The following TLX1 variants were observed in gnomAD, a reference collection of about 807,000 sequenced individuals.
TLX1 encodes T-cell leukemia homeobox protein 1.
In TLX1, 6 loss-of-function variants were observed where a neutral mutation model predicts 26.5. The observed-to-expected ratio is 0.23, with a 90% CI of 0.12 to 0.45. The LOEUF is 0.45. TLX1 is among the 20% of genes least tolerant of loss of function. The pLI, the probability that TLX1 is intolerant of heterozygous loss-of-function variation, is 0.99. For missense variants in TLX1, 418 were observed against 482.6 expected, an observed-to-expected ratio of 0.87 and a Z score of 1.25; for synonymous variants, 217 against 219.7, an observed-to-expected ratio of 0.99 and a Z score of 0.11.
At chr10:101,136,427 A>G (rs759003454) in intron 2 of TLX1, among the ~76,000 whole-genome samples, 106 of 152,272 alleles carry the variant, frequency 7.0e-4, no homozygotes, top group Non-Finnish European at 1.5e-3. Context: ...CGTGGATGCG[A>G]GTCCCAGCTG....
Position 101,132,958 on chromosome 10 carries a change from C to G in TLX1, c.568+849C>G, listed in dbSNP as rs1940212593. The G allele has an allele frequency of 6.5e-6, 1 of 152,888 alleles. No homozygotes were observed. The highest frequency in any genetic ancestry group is 6.5e-5 in the Admixed American group (1 of 15,292). The allele number at this position is 152,888 out of a possible 1,614,324, so 9.5% of individuals were successfully genotyped here. A position where few individuals can be genotyped will look rare whatever the true frequency, so the allele number is the denominator to read the frequency against. On this transcript the variant is annotated intron_variant, in intron 1 of 2. Coordinates refer to ENST00000370196, the MANE Select transcript of TLX1 (RefSeq NM_005521.4). The surrounding 1 kb of genome is among the most constrained non-coding windows in gnomAD (Gnocchi z 4.1). ...CCGTTTCCACTCTGGGCACTCAACT[C>G]TCCCTCTGGCGTGGATCCCTTCCCC...
In TLX1 at chr10:101,131,437, C is replaced by G; in HGVS notation, c.-105C>G. 14 of 934,456 alleles carry G rather than the reference C, an allele frequency of 1.5e-5. No homozygotes were observed. The highest frequency in any genetic ancestry group is 2.0e-5 in the Non-Finnish European group (14 of 691,270). The allele number at this position is 934,456 out of a possible 1,614,324, so 57.9% of individuals were successfully genotyped here. On this transcript the variant is annotated 5_prime_UTR_variant, in exon 1 of 3. Coordinates refer to ENST00000370196, the MANE Select transcript of TLX1 (RefSeq NM_005521.4). ...TCTGCGCACTTCGCTTCCAAGTCTC[C>G]GCGCAGCCAGGAGCCGCTGTTGCCT...
chr10:101,134,926 T>A (rs1940258049), intron 2 of TLX1, among the ~76,000 whole-genome samples: 1 of 152,134 alleles, frequency 6.6e-6, no homozygotes, highest in Admixed American at 6.5e-5. Flanking sequence ...AGAAAATCAA[T>A]CCGCGCCGGC....
rs1455538146 is a variant in TLX1 at position 101,132,135 on chromosome 10, C to T, written c.568+26C>T. On this transcript the variant is annotated intron_variant, in intron 1 of 2. Transcript: ENST00000370196. This position sits in a 1 kb window ranked among gnomAD's most constrained non-coding sequence, Gnocchi z 4.1. ...GTGAGTCCGGCCCGCGCGCTCCCCG[C>T]CTGGCCGCGGCCCGGGCTCCGTGCT... 1.5e-6 allele frequency: 2 copies of T among 1,331,462 alleles called. No homozygotes were observed. Among genetic ancestry groups the T allele is most frequent in the Non-Finnish European group, 1.9e-6 (2 of 1,042,740 alleles). 82.5% of individuals were successfully genotyped at this position (1,331,462 alleles called of 1,614,324 possible).
rs1940182725 is a variant in TLX1, at chr10:101,131,889, C to T, written c.348C>T (p.Gly116=). The change falls in exon 1 of 3, where the codon GGC becomes GGT. Residue 116 remains glycine, a synonymous_variant. Coordinates refer to ENST00000370196, the MANE Select transcript of TLX1 (RefSeq NM_005521.4). ...CAGGCGGCCCCGGTCCTGGCGGCGG[C>T]GGCGGCAGCAGCGGCGGTGCCGGGG... The part of the protein sequence containing the change: ...ALAGGPGPGG[G]GGSSGGAGAL... 3.6e-6 allele frequency: 5 copies of T among 1,397,642 alleles called. No homozygotes were observed. In the East Asian group the frequency reaches 9.1e-5, roughly 26 times the overall value. 86.6% of individuals were successfully genotyped at this position (1,397,642 alleles called of 1,614,324 possible). A position where few individuals can be genotyped will look rare whatever the true frequency, so the allele number is the denominator to read the frequency against.
intron 2 of TLX1, 135 bp downstream of exon 2, chr10:101,134,511 T>G: frequency 9.7e-7 from 1 of 1,033,382 alleles, no homozygotes. Flanking sequence ...GAGCTCCCGC[T>G]AGGCTTGCGG....
chr10:101,136,521 G>T, intron 2 of TLX1, 170 bp from the exon 3 acceptor site: 3 of 1,057,404 alleles, frequency 2.8e-6, no homozygotes, highest in South Asian at 2.7e-5. Context: ...CTTTGTTGGA[G>T]TCAGGACTCT....
At position 101,136,852 on chromosome 10, in the gene TLX1, C is replaced by A; in HGVS notation, c.932C>A (p.Pro311Gln). ...CTCTTCGCCCTGCAGAATCTGCAGC[C>A]GTGGTCTGACGACTCGACCAAAATC... is the stretch of plus-strand genomic sequence containing the variant. ...SSLFALQNLQPWSDDSTKITS... is the reference protein window; with the variant it reads ...SSLFALQNLQQWSDDSTKITS... Residue 311 changes from proline to glutamine, a missense_variant, in exon 3 of 3, where the codon CCG becomes CAG. Around this residue, in one of 3 missense-constraint regions of TLX1, gnomAD observed 78 missense variants for 92.2 expected, o/e 0.85. Coordinates refer to ENST00000370196, the MANE Select transcript of TLX1 (RefSeq NM_005521.4). 1 of 1,613,776 alleles carries A rather than the reference C, an allele frequency of 6.2e-7. No homozygotes were observed. The highest frequency in any genetic ancestry group is 8.5e-7 in the Non-Finnish European group (1 of 1,180,042).
At chr10:101,134,462 A>T (rs956832565) in intron 2 of TLX1, 86 bp downstream of exon 2, 1 of 1,365,288 alleles carries the variant, frequency 7.3e-7, no homozygotes, top group South Asian at 1.5e-5. Flanking sequence ...GGGCGCACAT[A>T]CTTTTTCCGC....
Position 101,136,852 on chromosome 10 carries a change from C to T in TLX1, c.932C>T (p.Pro311Leu), listed in dbSNP as rs1940306097. 12 of 1,613,660 alleles carry T rather than the reference C, an allele frequency of 7.4e-6. No homozygotes were observed. Among genetic ancestry groups the T allele is most frequent in the Admixed American group, 1.7e-5 (1 of 60,010 alleles). The change falls in exon 3 of 3, where the codon CCG (proline) becomes CTG (leucine). Residue 311 changes from proline (P) to leucine (L), a missense_variant. By Grantham distance (98) the Pro-to-Leu change is moderately conservative. Transcript: ENST00000370196. ...CTCTTCGCCCTGCAGAATCTGCAGC[C>T]GTGGTCTGACGACTCGACCAAAATC... Reference protein sequence around the residue: ...SSLFALQNLQPWSDDSTKITS... With the variant: ...SSLFALQNLQLWSDDSTKITS...
chr10:101,135,580 C>G (rs1940278666), intron 2 of TLX1: 1 of 152,610 alleles, frequency 6.6e-6, no homozygotes, highest in African/African-American at 2.4e-5. Context: ...GGCAGGCCTC[C>G]CAGAGAGAGG....
rs377699039 is a variant in TLX1 at position 101,136,835 on chromosome 10, C to T, written c.915C>T (p.Ala305=). The change falls in exon 3 of 3, where the codon GCC becomes GCT. Residue 305 remains alanine (A), a synonymous_variant. Coordinates refer to ENST00000370196, the MANE Select transcript of TLX1 (RefSeq NM_005521.4). ...PLCVHNSSLF[A]LQNLQPWSDD... The stretch of plus-strand genomic sequence containing the variant: ...GCGTGCACAACTCGTCGCTCTTCGC[C>T]CTGCAGAATCTGCAGCCGTGGTCTG... 15 of 1,613,640 alleles carry T rather than the reference C, an allele frequency of 9.3e-6. No individual in the cohort carries two copies. Among genetic ancestry groups the T allele is most frequent in the Non-Finnish European group, 1.3e-5 (15 of 1,180,048 alleles).
At position 101,134,125 on chromosome 10, in the gene TLX1, G is replaced by A. The variant is rs1005134933; in HGVS notation, c.569-50G>A. ...TGCTGCTTGCCTCTGCCGTCTGTCT[G>A]TCTCCCGCTCCAGTGGCCCTCTCAC... On this transcript the variant is annotated intron_variant, in intron 1 of 2. Transcript: ENST00000370196. 3 of 1,520,276 alleles carry A rather than the reference G, an allele frequency of 2.0e-6. No individual in the cohort carries two copies. In the African/African-American group the frequency reaches 4.2e-5, roughly 21 times the overall value. The allele number at this position is 1,520,276 out of a possible 1,614,324, so 94.2% of individuals were successfully genotyped here.
Position 101,131,621 on chromosome 10 carries a change from G to C in TLX1, c.80G>C (p.Ser27Thr), listed in dbSNP as rs369093136. ...TTCGGCATCGACCAGATCCTCAACA[G>C]CCCGGACCAGGGTGGCTGCATGGGA... ...ISFGIDQILN[S>T]PDQGGCMGPA... The change falls in exon 1 of 3, where the codon AGC (serine) becomes ACC (threonine). Residue 27 changes from serine to threonine, a missense_variant. By Grantham distance (58) the Ser-to-Thr change is moderately conservative (BLOSUM62 1). Around this residue, in one of 3 missense-constraint regions of TLX1, gnomAD observed 322 missense variants for 344.6 expected, o/e 0.93. Transcript: ENST00000370196. 143 of 1,569,112 alleles carry C rather than the reference G, an allele frequency of 9.1e-5. No individual in the cohort carries two copies. Among genetic ancestry groups the C allele is most frequent in the Non-Finnish European group, 1.2e-4 (140 of 1,160,992 alleles).
chr10:101,131,405 T>C lies in TLX1; in HGVS notation c.-137T>C, dbSNP rs1940166329. 1.8e-6 allele frequency: 1 copy of C among 563,432 alleles called. No homozygotes were observed. Among genetic ancestry groups the C allele is most frequent in the African/African-American group, 2.0e-5 (1 of 50,774 alleles). 34.9% of individuals were successfully genotyped at this position (563,432 alleles called of 1,614,324 possible). ...TCTCCCTCCCCTCCCCCTTCTACTTTAGCCTTTCTGCGCACTTCGCTTCCA... is the reference window on the plus strand; with the variant it reads ...TCTCCCTCCCCTCCCCCTTCTACTTCAGCCTTTCTGCGCACTTCGCTTCCA... On this transcript the variant is annotated 5_prime_UTR_variant, in exon 1 of 3. Coordinates refer to ENST00000370196, the MANE Select transcript of TLX1 (RefSeq NM_005521.4).
Position 101,132,296 on chromosome 10 carries a change from A to T in TLX1, c.568+187A>T, listed in dbSNP as rs1355197246. Among the ~76,000 whole-genome samples the T allele has an allele frequency of 6.6e-6, 1 of 152,190 alleles. No individual in the cohort carries two copies. Among genetic ancestry groups the T allele is most frequent in the Non-Finnish European group, 1.5e-5 (1 of 68,020 alleles). ...CTCGCCATGCTTGAAGAGTTCTCTC[A>T]GCCTGGACCCCTCTCTGTCTCCCGA... On this transcript the variant is annotated intron_variant, in intron 1 of 2. Transcript: ENST00000370196. The surrounding 1 kb of genome is among the most constrained non-coding windows in gnomAD (Gnocchi z 4.1).
Position 101,136,986 on chromosome 10 carries a change from C to A in TLX1, c.*73C>A, listed in dbSNP as rs1055178959. 3 of 1,562,936 alleles carry A rather than the reference C, an allele frequency of 1.9e-6. No individual in the cohort carries two copies. ...TGAGGCCTGAGACCCAGGACTCCTC[C>A]CCACCCTCCTGGCCTCAGACTGCAC... On this transcript the variant is annotated 3_prime_UTR_variant, in exon 3 of 3. Transcript: ENST00000370196.
At position 101,132,102 on chromosome 10, in the gene TLX1, G is replaced by T; in HGVS notation, c.561G>T (p.Arg187Ser). 7.2e-7 allele frequency: 1 copy of T among 1,390,026 alleles called. No individual in the cohort carries two copies. Among genetic ancestry groups the T allele is most frequent in the South Asian group, 1.8e-5 (1 of 54,262 alleles). 86.1% of individuals were successfully genotyped at this position (1,390,026 alleles called of 1,614,324 possible). A position where few individuals can be genotyped will look rare whatever the true frequency, so the allele number is the denominator to read the frequency against. ...GTAACCGCAGATACACAAAGGACAGGTTCACAGGTGAGTCCGGCCCGCGCG... is the reference window on the plus strand; with the variant it reads ...GTAACCGCAGATACACAAAGGACAGTTTCACAGGTGAGTCCGGCCCGCGCG... ...MESNRRYTKD[R>S]FTGHPYQNRT... is the part of the protein sequence containing the mutation. The change falls in exon 1 of 3, where the codon AGG becomes AGT. Residue 187 changes from arginine to serine, a missense_variant. Transcript: ENST00000370196. This position sits in a 1 kb window ranked among gnomAD's most constrained non-coding sequence, Gnocchi z 4.1.
At chr10:101,135,198 C>T (rs565515892) in intron 2 of TLX1, among the ~76,000 whole-genome samples, 1 of 152,290 alleles carries the variant, frequency 6.6e-6, no homozygotes, top group African/African-American at 2.4e-5. Flanking sequence ...CACGCTGCAC[C>T]CTCCCGCACA....
Sources: gnomAD v4.1 joint callset for allele counts (sites outside exome capture counted in the v4.1 genomes callset) on GRCh38, gnomAD v4.1.1 for gene constraint, gnomAD v4.1.1 regional missense constraint, Gnocchi (gnomAD v3.1) non-coding constraint, MANE v1.5 for transcripts, NCBI Gene and HGNC (gene_info 2026-07-23, HGNC 2026-07-21) for gene names.